AKAP19: variants seen among roughly 807,000 people sequenced by gnomAD.
AKAP19 encodes small A-kinase anchoring protein.
the AKAP19 span, among the ~76,000 whole-genome samples, chr2:189,961,109 C>G: frequency 6.6e-6 from 1 of 152,290 alleles, no homozygotes; most frequent in South Asian, 2.1e-4. Context: ...ACATATAAGA[C>G]AAGTGCGAGA....
At chr2:190,026,234 C>T in the AKAP19 span, among the ~76,000 whole-genome samples, 2 of 152,272 alleles carry the variant, frequency 1.3e-5, no homozygotes, top group South Asian at 2.1e-4. Flanking sequence ...AATCAGCTCA[C>T]TCCACCAATC....
the AKAP19 span, among the ~76,000 whole-genome samples, chr2:190,069,572 T>C: frequency 1.3e-5 from 2 of 152,172 alleles, no homozygotes; most frequent in African/African-American, 4.8e-5. Context: ...CTTAGAAAAA[T>C]TTAGTTCTTT....
chr2:190,186,849 A>G, the AKAP19 span, among the ~76,000 whole-genome samples: 40 of 151,606 alleles, frequency 2.6e-4, no homozygotes, highest in Non-Finnish European at 1.5e-4. The surrounding 1 kb of genome is among the most constrained non-coding windows in gnomAD (Gnocchi z 5.5). Flanking sequence ...CTTATTTTTT[A>G]TTTTTTTTGA....
At chr2:190,176,367 A>T in the AKAP19 span, among the ~76,000 whole-genome samples, 1 of 152,140 alleles carries the variant, frequency 6.6e-6, no homozygotes, top group Admixed American at 6.5e-5. This position sits in a 1 kb window ranked among gnomAD's most constrained non-coding sequence, Gnocchi z 4.7. Context: ...TTTTTTCTTG[A>T]CACAGAGTCT....
At chr2:189,884,061 A>G in the AKAP19 span, among the ~76,000 whole-genome samples, 5 of 152,258 alleles carry the variant, frequency 3.3e-5, no homozygotes, top group East Asian at 9.6e-4. Context: ...ATGATCTTTA[A>G]TTTTGAACTT....
At chr2:190,031,936 C>T in the AKAP19 span, among the ~76,000 whole-genome samples, 33 of 152,046 alleles carry the variant, frequency 2.2e-4, no homozygotes, top group Non-Finnish European at 4.3e-4. Flanking sequence ...ATTTTAAATG[C>T]CCATTTCAAA....
chr2:189,890,884 T>G, the AKAP19 span, among the ~76,000 whole-genome samples: 2 of 152,212 alleles, frequency 1.3e-5, no homozygotes, highest in Non-Finnish European at 2.9e-5. Flanking sequence ...TGCCAATCTG[T>G]GTCTTTTAAT....
the AKAP19 span, among the ~76,000 whole-genome samples, chr2:190,191,335 G>C: frequency 6.6e-6 from 1 of 152,136 alleles, no homozygotes; most frequent in East Asian, 1.9e-4. Context: ...AGTAGAGACA[G>C]AGTTTCACCA....
the AKAP19 span, among the ~76,000 whole-genome samples, chr2:190,119,825 T>C: frequency 1.3e-5 from 2 of 150,652 alleles, no homozygotes; most frequent in Non-Finnish European, 3.0e-5. Flanking sequence ...AAAGATGAAG[T>C]GCAGCAAAGA....
At chr2:190,148,761 C>T in the AKAP19 span, among the ~76,000 whole-genome samples, 31,804 of 152,056 alleles carry the variant, frequency 0.21, 3,730 homozygotes, top group Admixed American at 0.33. Flanking sequence ...GGAACTTACC[C>T]ATCTCTTCTA....
the AKAP19 span, among the ~76,000 whole-genome samples, chr2:190,071,364 C>T: frequency 6.6e-6 from 1 of 152,132 alleles, no homozygotes; most frequent in African/African-American, 2.4e-5. Flanking sequence ...ATCTTTTATA[C>T]CATATTTTTT....
At chr2:190,182,992 G>T in the AKAP19 span, among the ~76,000 whole-genome samples, 2 of 152,056 alleles carry the variant, frequency 1.3e-5, no homozygotes, top group Admixed American at 1.3e-4. Flanking sequence ...TTTCAGTTTT[G>T]TGTCACCTAC....
At chr2:190,100,199 G>A in the AKAP19 span, among the ~76,000 whole-genome samples, 1 of 152,090 alleles carries the variant, frequency 6.6e-6, no homozygotes, top group Non-Finnish European at 1.5e-5. Context: ...GCAACAAGAA[G>A]GTTTATTAGT....
the AKAP19 span, among the ~76,000 whole-genome samples, chr2:190,038,917 T>TTCTTCTTCTTCTTCTTCTTCTTCC: frequency 1.5e-5 from 2 of 134,602 alleles, no homozygotes; most frequent in African/African-American, 6.1e-5. Context: ...CTTCTTCTTC[T>TTCTTCTTCTTCTTCTTCTTCTTCC]TCTTCTTCTT....
the AKAP19 span, among the ~76,000 whole-genome samples, chr2:189,935,151 T>G: frequency 6.6e-6 from 1 of 152,100 alleles, no homozygotes; most frequent in African/African-American, 2.4e-5. Flanking sequence ...TTTTAGTGTT[T>G]ATACATCCTT....
chr2:190,068,160 T>C, the AKAP19 span, among the ~76,000 whole-genome samples: 4 of 152,176 alleles, frequency 2.6e-5, no homozygotes, highest in African/African-American at 7.2e-5. Context: ...CCTCGATTAT[T>C]ACAATTCTTA....
At chr2:189,978,857 T>G in the AKAP19 span, among the ~76,000 whole-genome samples, 1 of 152,088 alleles carries the variant, frequency 6.6e-6, no homozygotes, top group Non-Finnish European at 1.5e-5. Flanking sequence ...TACCTTGTAA[T>G]TAACTACCTG....
chr2:190,037,667 C>T, the AKAP19 span, among the ~76,000 whole-genome samples: 7 of 152,270 alleles, frequency 4.6e-5, no homozygotes, highest in Non-Finnish European at 1.0e-4. Flanking sequence ...CAGCTAATAC[C>T]CAAGTTGCTC....
At chr2:190,020,079 A>C in the AKAP19 span, among the ~76,000 whole-genome samples, 4 of 152,256 alleles carry the variant, frequency 2.6e-5, no homozygotes, top group East Asian at 7.7e-4. Flanking sequence ...TGCTGAATTA[A>C]TTTGGGTTTT....
Sources: gnomAD v4.1 joint callset for allele counts (sites outside exome capture counted in the v4.1 genomes callset) on GRCh38, gnomAD v4.1.1 for gene constraint, Gnocchi (gnomAD v3.1) non-coding constraint, MANE v1.5 for transcripts, NCBI Gene and HGNC (gene_info 2026-07-23, HGNC 2026-07-21) for gene names.